NOM1: variants seen among roughly 807,000 people sequenced by gnomAD.
NOM1 encodes the protein nucleolar MIF4G domain-containing protein 1.
Under a neutral mutation model 73.3 loss-of-function variants are expected in NOM1, and 58 were observed. The observed-to-expected ratio is 0.79, with a 90% CI of 0.64 to 0.99. The LOEUF (loss-of-function observed/expected upper bound fraction) is 0.99. Among genes scored for constraint, NOM1 ranks in the 50% least tolerant of loss-of-function variants. NOM1 has a pLI of 0.00. For synonymous variants in NOM1, 487 were observed against 446.8 expected (o/e 1.09, Z -1.14); for missense variants, 1,226 against 1,131.9 (o/e 1.08, Z -1.19).
intron 2 of NOM1, among the ~76,000 whole-genome samples, chr7:156,953,239 C>T (rs1804637330): frequency 6.6e-6 from 1 of 152,170 alleles, no homozygotes; most frequent in Non-Finnish European, 1.5e-5. Context: ...AAGCAGTTCT[C>T]CTGCCTCAGC....
chr7:156,966,155 C>T (rs538981837), intron 7 of NOM1, 115 bp from the exon 8 acceptor site: 246 of 1,336,342 alleles, frequency 1.8e-4, no homozygotes, highest in Non-Finnish European at 2.5e-4. Context: ...ACCTCCTTTA[C>T]GTGGCTCGCC....
At position 156,971,558 on chromosome 7, in the gene NOM1, T is replaced by C. The variant is rs933313534; in HGVS notation, c.*1855T>C. The C allele has an allele frequency of 3.8e-5, 5 of 132,462 alleles. No individual in the cohort carries two copies. Among genetic ancestry groups the C allele is most frequent in the Admixed American group, 3.3e-4 (4 of 12,264 alleles). 8.2% of individuals were successfully genotyped at this position (132,462 alleles called of 1,614,324 possible). The stretch of plus-strand genomic sequence containing the variant: ...GTAGAGACAAGATCTCCGTATGTTA[T>C]ACAGGCTGGCCTCAAGTGATCCTCT... On this transcript the variant is annotated 3_prime_UTR_variant, in exon 11 of 11. Coordinates refer to ENST00000275820, the MANE Select transcript of NOM1 (RefSeq NM_138400.2).
chr7:156,963,146 A>G lies in NOM1; in HGVS notation c.1882A>G (p.Thr628Ala). Residue 628 changes from threonine to alanine, a missense_variant, in exon 6 of 11, where the codon ACG (threonine) becomes GCG (alanine). Physicochemically the swap from Thr to Ala is moderately conservative, Grantham distance 58. Transcript: ENST00000275820. ...GAPMIDNSHH[T>A]HLQKQLVGTV... ...CCCGATGATCGACAACAGTCACCAT[A>G]CGCACCTGCAGAAGCAGCTTGTGGG... The G allele has an allele frequency of 6.2e-7, 1 of 1,614,114 alleles. No homozygotes were observed. Among genetic ancestry groups the G allele is most frequent in the Non-Finnish European group, 8.5e-7 (1 of 1,180,030 alleles).
chr7:156,963,776 G>A (rs750161146), intron 6 of NOM1, 129 bp from the exon 7 acceptor site: 21 of 1,060,910 alleles, frequency 2.0e-5, no homozygotes, highest in Non-Finnish European at 2.7e-5. Context: ...CCCGAGAGTG[G>A]ACTTGGTGCC....
chr7:156,963,011 C>G lies in NOM1; in HGVS notation c.1747C>G (p.Arg583Gly). 6.2e-7 allele frequency: 1 copy of G among 1,611,474 alleles called. No homozygotes were observed. The change falls in exon 6 of 11, where the codon CGC becomes GGC. Residue 583 changes from arginine to glycine, a missense_variant. Arg to Gly is a moderately radical substitution (Grantham distance 125, BLOSUM62 -2). Transcript: ENST00000275820. ...TTAGCTCTTCTCTCTTCATCAGGTC[C>G]GCAACGCCGGCTCAGGTTCTGAGAC... ...KLRKLQRALV[R>G]NAGSGSETQL...
At position 156,950,463 on chromosome 7, in the gene NOM1, C is replaced by T. The variant is rs61740418; in HGVS notation, c.726C>T (p.Ala242=). The T allele has an allele frequency of 8.1e-6, 13 of 1,613,876 alleles. No homozygotes were observed. The African/African-American group carries it at 1.3e-4, about 17-fold the overall frequency. ...YDSSGEEEED[A]GQTLPESDLE... ...GCAGTGGTGAGGAGGAGGAAGATGC[C>T]GGACAGACACTCCCCGAAAGTGACT... The change falls in exon 1 of 11, where the codon GCC becomes GCT. Residue 242 remains alanine, a synonymous_variant. Transcript: ENST00000275820.
intron 4 of NOM1, among the ~76,000 whole-genome samples, chr7:156,961,176 C>G (rs1034533890): frequency 2.0e-5 from 3 of 152,086 alleles, no homozygotes; most frequent in Non-Finnish European, 4.4e-5. Flanking sequence ...GCACTGACGT[C>G]TAGCTGCAGG....
rs369078831 is a variant in NOM1, at chr7:156,960,031, A to G, written c.1489A>G (p.Lys497Glu). The change falls in exon 4 of 11, where the codon AAA (lysine) becomes GAA (glutamate). Residue 497 changes from lysine to glutamate, a missense_variant. Transcript: ENST00000275820. ...AAAACTGATTGGAACTTTCACCGAAAAAGATATTGAACTGATCTTGTTAAT... is the reference window on the plus strand; with the variant it reads ...AAAACTGATTGGAACTTTCACCGAAGAAGATATTGAACTGATCTTGTTAAT... ...LKKLIGTFTE[K>E]DIELILLMLK... 1.9e-6 allele frequency: 3 copies of G among 1,614,204 alleles called. No individual in the cohort carries two copies. Among genetic ancestry groups the G allele is most frequent in the Admixed American group, 1.7e-5 (1 of 60,020 alleles).
At chr7:156,967,235 A>T in intron 9 of NOM1, 143 bp downstream of exon 9, 1 of 981,770 alleles carries the variant, frequency 1.0e-6, no homozygotes, top group South Asian at 1.8e-5. Context: ...CCTAGCCAGG[A>T]CAGAAAACGG....
intron 9 of NOM1, among the ~76,000 whole-genome samples, chr7:156,968,324 GC>G (rs1805053595): frequency 6.6e-6 from 1 of 152,076 alleles, no homozygotes; most frequent in South Asian, 2.1e-4. Flanking sequence ...CTTTAGAGAT[GC>G]CCCCCGCCCT....
At chr7:156,962,544 A>T (rs928026845) in intron 5 of NOM1, among the ~76,000 whole-genome samples, 2 of 152,186 alleles carry the variant, frequency 1.3e-5, no homozygotes, top group African/African-American at 4.8e-5. Flanking sequence ...GGATCATCCG[A>T]TGCTTTCAGA....
At chr7:156,956,644 G>A (rs1475153466) in intron 3 of NOM1, among the ~76,000 whole-genome samples, 2 of 152,236 alleles carry the variant, frequency 1.3e-5, no homozygotes, top group Non-Finnish European at 2.9e-5. Context: ...CTGGAGAGAG[G>A]GGCACAGGCC....
At chr7:156,966,186 C>T (rs918333218) in intron 7 of NOM1, 84 bp from the exon 8 acceptor site, 111 of 1,544,766 alleles carry the variant, frequency 7.2e-5, no homozygotes, top group Admixed American at 6.5e-4. Flanking sequence ...CCCTTCCAGG[C>T]GGGAAGATGT....
chr7:156,967,417 T>A (rs1252582810), intron 9 of NOM1, among the ~76,000 whole-genome samples: 1 of 152,210 alleles, frequency 6.6e-6, no homozygotes, highest in African/African-American at 2.4e-5. Context: ...TAGGGCCTGG[T>A]CTCCTTAGAG....
chr7:156,969,354 T>C (rs1272864621), intron 10 of NOM1, among the ~76,000 whole-genome samples, 158 bp downstream of exon 10: 1 of 152,198 alleles, frequency 6.6e-6, no homozygotes, highest in East Asian at 1.9e-4. Flanking sequence ...GAATAGAAAC[T>C]TGTCTGCTAG....
rs1349826511 is a variant in NOM1 at position 156,949,799 on chromosome 7, G to A, written c.62G>A (p.Arg21His). 4.9e-6 allele frequency: 7 copies of A among 1,426,558 alleles called. No individual in the cohort carries two copies. Among genetic ancestry groups the A allele is most frequent in the Admixed American group, 3.0e-5 (1 of 33,202 alleles). 88.4% of individuals were successfully genotyped at this position (1,426,558 alleles called of 1,614,324 possible). A position where few individuals can be genotyped will look rare whatever the true frequency, so the allele number is the denominator to read the frequency against. ...GGCGGCTCCCAGGGACGCGTGGTCC[G>A]CATGAAGCGCAGAGGCGGGCGCGGG... is the stretch of plus-strand genomic sequence containing the variant. ...GPGGSQGRVV[R>H]MKRRGGRGPR... Residue 21 changes from arginine to histidine, a missense_variant, in exon 1 of 11, where the codon CGC becomes CAC. Coordinates refer to ENST00000275820, the MANE Select transcript of NOM1 (RefSeq NM_138400.2).
intron 6 of NOM1, 44 bp downstream of exon 6, chr7:156,963,219 CT>C (rs766729357): frequency 3.7e-5 from 59 of 1,607,352 alleles, no homozygotes; most frequent in Non-Finnish European, 4.7e-5. Context: ...AGGCACCCCC[CT>C]GTGTGGTGTG....
intron 2 of NOM1, among the ~76,000 whole-genome samples, chr7:156,953,804 A>C (rs1288786909): frequency 6.6e-6 from 1 of 152,230 alleles, no homozygotes; most frequent in Non-Finnish European, 1.5e-5. Flanking sequence ...TCAGGTCAGA[A>C]TATTCAGGGG....
chr7:156,956,150 G>A (rs967617405), intron 3 of NOM1, among the ~76,000 whole-genome samples: 6 of 151,076 alleles, frequency 4.0e-5, no homozygotes, highest in South Asian at 2.1e-4. Context: ...CCGAGATCGC[G>A]TCACTGCACT....
Sources: gnomAD v4.1 joint callset for allele counts (sites outside exome capture counted in the v4.1 genomes callset) on GRCh38, gnomAD v4.1.1 for gene constraint, MANE v1.5 for transcripts, NCBI Gene and HGNC (gene_info 2026-07-23, HGNC 2026-07-21) for gene names.